Variants in MSL2 observed in about 807,000 individuals in gnomAD.
MSL2 encodes E3 ubiquitin-protein ligase MSL2.
A neutral mutation model predicts 35.8 loss-of-function variants in MSL2; 2 were observed. That is an observed-to-expected ratio of 0.06 (90% CI 0.02 to 0.18). The LOEUF (loss-of-function observed/expected upper bound fraction) is 0.18. Among genes scored for constraint, MSL2 ranks in the 10% least tolerant of loss-of-function variants. The pLI is 1.00. For synonymous variants in MSL2, 296 were observed against 255.7 expected (o/e 1.16, Z -1.50); for missense variants, 523 against 706.7 (o/e 0.74, Z 2.95).
At chr3:136,166,206 T>C (rs1184063719) in intron 1 of MSL2, among the ~76,000 whole-genome samples, 1 of 151,392 alleles carries the variant, frequency 6.6e-6, no homozygotes, top group East Asian at 1.9e-4. Context: ...CTGGACAACA[T>C]GGTCCAGGCT....
intron 1 of MSL2, among the ~76,000 whole-genome samples, chr3:136,170,512 T>C (rs1939995881): frequency 7.8e-6 from 1 of 128,632 alleles, no homozygotes; most frequent in Non-Finnish European, 1.7e-5. Flanking sequence ...TCTGTCCTTT[T>C]TTTTTTTTTT....
At chr3:136,173,281 C>T (rs1940080867) in intron 1 of MSL2, among the ~76,000 whole-genome samples, 1 of 152,210 alleles carries the variant, frequency 6.6e-6, no homozygotes, top group Admixed American at 6.5e-5. Context: ...GTATCTCCAA[C>T]TCAAATCTTT....
intron 1 of MSL2, among the ~76,000 whole-genome samples, chr3:136,169,330 TATA>T (rs1939951706): frequency 2.1e-5 from 3 of 145,364 alleles, no homozygotes; most frequent in Non-Finnish European, 4.5e-5. Flanking sequence ...CTGACAAGCA[TATA>T]ACCTGTAACA....
At chr3:136,157,050 TAAA>T (rs569247308) in intron 1 of MSL2, among the ~76,000 whole-genome samples, 52 of 152,184 alleles carry the variant, frequency 3.4e-4, no homozygotes, top group African/African-American at 1.2e-3. Flanking sequence ...ATATAAAAAA[TAAA>T]AAAGCAAAGT....
At chr3:136,191,899 A>C (rs1940701224) in intron 1 of MSL2, among the ~76,000 whole-genome samples, 1 of 152,246 alleles carries the variant, frequency 6.6e-6, no homozygotes, top group African/African-American at 2.4e-5. Flanking sequence ...AGTAAGTAAA[A>C]GCCAAATTTC....
intron 1 of MSL2, among the ~76,000 whole-genome samples, chr3:136,170,302 G>A (rs1369918463): frequency 4.5e-5 from 6 of 134,642 alleles, no homozygotes; most frequent in African/African-American, 8.8e-5. Context: ...ACAGTGAGCC[G>A]ACATCACACT....
intron 1 of MSL2, among the ~76,000 whole-genome samples, chr3:136,153,790 A>C (rs1183230323): frequency 7.3e-6 from 1 of 136,782 alleles, no homozygotes; most frequent in Non-Finnish European, 1.6e-5. Context: ...ACTTAGTCTC[A>C]AAAAAAAAAA....
chr3:136,185,132 AC>A (rs1410313361), intron 1 of MSL2, among the ~76,000 whole-genome samples: 2 of 151,530 alleles, frequency 1.3e-5, no homozygotes, highest in Non-Finnish European at 2.9e-5. Context: ...GCGCCACCAC[AC>A]CCGGCTTATT....
chr3:136,161,490 T>A (rs1051384338), intron 1 of MSL2, among the ~76,000 whole-genome samples: 7 of 152,168 alleles, frequency 4.6e-5, no homozygotes, highest in African/African-American at 1.7e-4. Context: ...GGTGAGTAGA[T>A]AAACAAAATG....
At position 136,195,938 on chromosome 3, in the gene MSL2, T is replaced by TGCCG; in HGVS notation, c.-826_-825insCGGC. On this transcript the variant is annotated 5_prime_UTR_variant, in exon 1 of 2. Transcript: ENST00000309993. ...CGCGCCTCAGTCGCACACTCCGGGG[T>TGCCG]CACCAGACTCAAGCGCCGCCCCCTC... is the stretch of plus-strand genomic sequence containing the variant. 1 of 492,390 alleles carries TGCCG rather than the reference T, an allele frequency of 2.0e-6. No homozygotes were observed. The highest frequency in any genetic ancestry group is 2.6e-6 in the Non-Finnish European group (1 of 381,716). 30.5% of individuals were successfully genotyped at this position (492,390 alleles called of 1,614,324 possible). A position where few individuals can be genotyped will look rare whatever the true frequency, so the allele number is the denominator to read the frequency against.
In MSL2 at chr3:136,152,565, G is replaced by T; in HGVS notation, c.316C>A (p.Leu106Ile). ...LSILVNCYKK[L>I]CEYITQTTLA... ...GTAGTCTGTGTTATATACTCGCATAGTTTTTTGTAGCAGTTCACTAGGATG... is the reference window on the plus strand; with the variant it reads ...GTAGTCTGTGTTATATACTCGCATATTTTTTTGTAGCAGTTCACTAGGATG... The change falls in exon 2 of 2, where the codon CTA becomes ATA. Residue 106 changes from leucine to isoleucine, a missense_variant. By Grantham distance (5) the Leu-to-Ile change is conservative (BLOSUM62 2). Around this residue, in one of 5 missense-constraint regions of MSL2, gnomAD observed 41 missense variants for 83.3 expected, o/e 0.49. Coordinates refer to ENST00000309993, the MANE Select transcript of MSL2 (RefSeq NM_018133.4). The T allele has an allele frequency of 6.2e-7, 1 of 1,614,132 alleles. No homozygotes were observed. The highest frequency in any genetic ancestry group is 8.5e-7 in the Non-Finnish European group (1 of 1,180,026).
intron 1 of MSL2, among the ~76,000 whole-genome samples, chr3:136,190,228 T>A (rs1940648397): frequency 6.6e-6 from 1 of 152,214 alleles, no homozygotes; most frequent in African/African-American, 2.4e-5. Flanking sequence ...GCCATGTGTC[T>A]TATTCATCTT....
intron 1 of MSL2, among the ~76,000 whole-genome samples, chr3:136,177,437 G>A (rs1940208016): frequency 6.6e-6 from 1 of 152,204 alleles, no homozygotes; most frequent in Non-Finnish European, 1.5e-5. Context: ...CACCCTGGGA[G>A]GCTGAGGCAG....
chr3:136,156,155 T>C (rs1442504195), intron 1 of MSL2, among the ~76,000 whole-genome samples: 4 of 152,242 alleles, frequency 2.6e-5, no homozygotes, highest in Non-Finnish European at 5.9e-5. Flanking sequence ...TCTTAATATG[T>C]TCTTTTAAAC....
chr3:136,183,220 G>A (rs1408603566), intron 1 of MSL2, among the ~76,000 whole-genome samples: 3 of 152,038 alleles, frequency 2.0e-5, no homozygotes, highest in African/African-American at 4.8e-5. Context: ...AACAAACCCA[G>A]AAAATGAAAG....
rs1431867636 is a variant in MSL2 at position 136,151,061 on chromosome 3, TC to T, written c.*85del. 7.0e-7 allele frequency: 1 copy of T among 1,419,778 alleles called. No individual in the cohort carries two copies. 87.9% of individuals were successfully genotyped at this position (1,419,778 alleles called of 1,614,324 possible). A position where few individuals can be genotyped will look rare whatever the true frequency, so the allele number is the denominator to read the frequency against. ...ATACAAGTGATCTATATGCAGGAGC[TC>T]CGGCAAGTTAAACCAACAGAACCAT... is the stretch of plus-strand genomic sequence containing the variant. On this transcript the variant is annotated 3_prime_UTR_variant, in exon 2 of 2. Coordinates refer to ENST00000309993, the MANE Select transcript of MSL2 (RefSeq NM_018133.4). This position sits in a 1 kb window ranked among gnomAD's most constrained non-coding sequence, Gnocchi z 5.2.
intron 1 of MSL2, among the ~76,000 whole-genome samples, chr3:136,159,529 A>ATTTTTTTTTTTT (rs71624086): frequency 1.5e-5 from 2 of 135,896 alleles, no homozygotes; most frequent in African/African-American, 5.5e-5. Flanking sequence ...ACGCCCAGCT[A>ATTTTTTTTTTTT]TTTTTTTTTT....
intron 1 of MSL2, among the ~76,000 whole-genome samples, chr3:136,159,335 G>A (rs1346157977): frequency 3.3e-5 from 5 of 150,670 alleles, no homozygotes; most frequent in African/African-American, 1.2e-4. Flanking sequence ...ATGATTCAAT[G>A]GGGAAAGGAG....
intron 1 of MSL2, chr3:136,152,992 G>A (rs1939416399): frequency 6.1e-6 from 6 of 985,312 alleles, no homozygotes; most frequent in African/African-American, 3.5e-5. Flanking sequence ...CAAGCAATAC[G>A]TTCTGGTCCA....
Sources: gnomAD v4.1 joint callset for allele counts (sites outside exome capture counted in the v4.1 genomes callset) on GRCh38, gnomAD v4.1.1 for gene constraint, gnomAD v4.1.1 regional missense constraint, Gnocchi (gnomAD v3.1) non-coding constraint, MANE v1.5 for transcripts, NCBI Gene and HGNC (gene_info 2026-07-23, HGNC 2026-07-21) for gene names.